The following CDH13 variants were observed in gnomAD, a reference collection of about 807,000 sequenced individuals.
CDH13 encodes the protein cadherin 13, also known as cadherin-13.
In CDH13, 24 loss-of-function variants were observed where a neutral mutation model predicts 63.8. The ratio of observed to expected loss-of-function variants is 0.38; its 90% CI spans 0.27 to 0.53. The LOEUF (loss-of-function observed/expected upper bound fraction) is 0.53, where lower values mean the gene tolerates loss of function less well. CDH13 is among the 20% of genes least tolerant of loss of function. The pLI is 0.85. For missense variants in CDH13, 1,049 were observed against 903.1 expected (o/e 1.16, Z -2.07); for synonymous variants, 503 against 355.3 (o/e 1.42, Z -4.67).
intron 2 of CDH13, among the ~76,000 whole-genome samples, chr16:82,993,537 G>A (rs1911882864): frequency 6.6e-6 from 1 of 152,138 alleles, no homozygotes; most frequent in Non-Finnish European, 1.5e-5. Flanking sequence ...TCATTGTGAA[G>A]TAGCATTGGG....
rs74028565 is a variant in CDH13 at position 82,711,955 on chromosome 16, A to C, written c.45+84818A>C. Among the ~76,000 whole-genome samples, 877 of 152,332 alleles carry C rather than the reference A, an allele frequency of 5.8e-3. 11 individuals carry two copies. Among genetic ancestry groups the C allele is most frequent in the African/African-American group, 0.019 (786 of 41,570 alleles). On this transcript the variant is annotated intron_variant, in intron 1 of 13. Transcript: ENST00000567109. Reference sequence around the variant, plus strand: ...GCTCCACATCACACAGCTACTAGGCAGTCAATGCTGGTTTTGAGGCTAGGT... The same window carrying C: ...GCTCCACATCACACAGCTACTAGGCCGTCAATGCTGGTTTTGAGGCTAGGT...
chr16:83,010,135 C>CAAAAAAAAAAAAAAAAAAAAAAA, intron 2 of CDH13, among the ~76,000 whole-genome samples: 1 of 50,104 alleles, frequency 2.0e-5, no homozygotes, highest in Non-Finnish European at 3.4e-5. Flanking sequence ...AACTCTGTCT[C>CAAAAAAAAAAAAAAAAAAAAAAA]AAAAAAAAAA....
intron 1 of CDH13, among the ~76,000 whole-genome samples, chr16:82,772,320 C>T (rs537652642): frequency 3.9e-5 from 6 of 152,102 alleles, no homozygotes; most frequent in South Asian, 2.1e-4. Context: ...ACTGGGGGTC[C>T]GTGTGCACTA....
intron 1 of CDH13, among the ~76,000 whole-genome samples, chr16:82,711,166 C>T (rs756767171): frequency 1.3e-5 from 2 of 151,978 alleles, no homozygotes; most frequent in Admixed American, 6.6e-5. Flanking sequence ...TGGCAGTGAC[C>T]GCAGTGTGGA....
chr16:82,933,903 C>A (rs1404689790), intron 2 of CDH13, among the ~76,000 whole-genome samples: 1 of 152,216 alleles, frequency 6.6e-6, no homozygotes, highest in African/African-American at 2.4e-5. Flanking sequence ...CCTTGGGCAG[C>A]TTTGTCCCTG....
At chr16:83,243,307 C>A (rs1344512601) in intron 5 of CDH13, among the ~76,000 whole-genome samples, 2 of 152,148 alleles carry the variant, frequency 1.3e-5, no homozygotes, top group Non-Finnish European at 2.9e-5. Context: ...CTGGAGAGGC[C>A]TCACGGCGAT....
chr16:82,691,755 A>T (rs1189478589), intron 1 of CDH13, among the ~76,000 whole-genome samples: 1 of 152,156 alleles, frequency 6.6e-6, no homozygotes, highest in African/African-American at 2.4e-5. Flanking sequence ...ATCAGGAAAG[A>T]TGGTCTCCCC....
chr16:82,650,938 G>C (rs1417429106), intron 1 of CDH13, among the ~76,000 whole-genome samples: 1 of 152,204 alleles, frequency 6.6e-6, no homozygotes, highest in African/African-American at 2.4e-5. Context: ...GTTGGGGTTT[G>C]AAATTTGCTG....
At chr16:82,908,988 A>G (rs891451755) in intron 2 of CDH13, among the ~76,000 whole-genome samples, 7 of 152,182 alleles carry the variant, frequency 4.6e-5, no homozygotes. Context: ...GGGCTTGAGT[A>G]TGCATGGGTC....
At chr16:82,821,750 G>A (rs1267591319) in intron 1 of CDH13, among the ~76,000 whole-genome samples, 1 of 152,172 alleles carries the variant, frequency 6.6e-6, no homozygotes. Context: ...GGTCATTGAG[G>A]GCTCCCCTAA....
At chr16:83,075,308 A>G (rs141470389) in intron 3 of CDH13, among the ~76,000 whole-genome samples, 2 of 152,162 alleles carry the variant, frequency 1.3e-5, no homozygotes, top group Admixed American at 6.5e-5. Context: ...GAGAGTGACT[A>G]TGTGGCCCCG....
chr16:83,281,160 G>C (rs2151856297), intron 5 of CDH13, among the ~76,000 whole-genome samples: 1 of 152,332 alleles, frequency 6.6e-6, no homozygotes, highest in Middle Eastern at 3.4e-3. Flanking sequence ...AAAATGTATT[G>C]TTTAGTGTAG....
At position 83,626,566 on chromosome 16, in the gene CDH13, G is replaced by A. The variant is rs186835967; in HGVS notation, c.1101+23972G>A. ...ACCTGGACTGGGTGGGGCTGACAGGGATTTCTTCCATTTTTTCTGTTTATC... is the reference window on the plus strand; with the variant it reads ...ACCTGGACTGGGTGGGGCTGACAGGAATTTCTTCCATTTTTTCTGTTTATC... On this transcript the variant is annotated intron_variant, in intron 8 of 13. Coordinates refer to ENST00000567109, the MANE Select transcript of CDH13 (RefSeq NM_001257.5). Among the ~76,000 whole-genome samples the A allele has an allele frequency of 1.6e-3, 240 of 152,210 alleles. 1 individual carries two copies. The highest frequency in any genetic ancestry group is 5.4e-3 in the African/African-American group (224 of 41,512).
chr16:83,083,459 A>G (rs1209663011), intron 3 of CDH13, among the ~76,000 whole-genome samples: 1 of 152,182 alleles, frequency 6.6e-6, no homozygotes, highest in African/African-American at 2.4e-5. Context: ...GTGGAACAAA[A>G]TCCTTGCCCC....
At position 83,404,848 on chromosome 16, in the gene CDH13, G is replaced by A. The variant is rs534868206; in HGVS notation, c.781+59842G>A. 3.7e-4 allele frequency among the ~76,000 whole-genome samples: 56 copies of A among 152,282 alleles called. No homozygotes were observed. In the Middle Eastern group the frequency reaches 0.01, roughly 28 times the overall value. ...ACCAACAGGATCTGTCGGACGCCGT[G>A]TATATAGTTCTTCCTCATTCTCTTT... On this transcript the variant is annotated intron_variant, in intron 6 of 13. Transcript: ENST00000567109.
intron 3 of CDH13, among the ~76,000 whole-genome samples, chr16:83,114,620 G>C (rs988426891): frequency 3.9e-5 from 6 of 152,270 alleles, no homozygotes; most frequent in Middle Eastern, 3.4e-3. Flanking sequence ...GGGTGACTTA[G>C]TTTTGCTGAT....
At chr16:83,788,087 G>C (rs575135917) in intron 13 of CDH13, among the ~76,000 whole-genome samples, 150 of 152,326 alleles carry the variant, frequency 9.8e-4, no homozygotes, top group African/African-American at 3.5e-3. Context: ...GTATGTTTGT[G>C]TGCACGCACG....
chr16:83,293,927 C>G (rs541679092), intron 5 of CDH13, among the ~76,000 whole-genome samples: 1 of 152,248 alleles, frequency 6.6e-6, no homozygotes, highest in African/African-American at 2.4e-5. Flanking sequence ...TCTCATTTAA[C>G]TCCCATGATA....
chr16:83,331,812 G>A (rs562101077), intron 5 of CDH13, among the ~76,000 whole-genome samples: 21 of 152,228 alleles, frequency 1.4e-4, no homozygotes, highest in African/African-American at 5.1e-4. Context: ...GCAATGCAGT[G>A]TTGTACTTTC....
Sources: allele counts gnomAD v4.1 joint callset (sites outside exome capture counted in the v4.1 genomes callset), GRCh38; gene constraint gnomAD v4.1.1; transcripts MANE v1.5; gene names NCBI Gene and HGNC (gene_info 2026-07-23, HGNC 2026-07-21).